TMEM232: variants seen among roughly 807,000 people sequenced by gnomAD.
The protein encoded by TMEM232 is transmembrane protein 232.
A neutral mutation model predicts 78.8 loss-of-function variants in TMEM232; 80 were observed. The observed-to-expected ratio is 1.01, with a 90% confidence interval of 0.85 to 1.22. The LOEUF (loss-of-function observed/expected upper bound fraction) is 1.22. Among genes scored for constraint, TMEM232 ranks in the 50% most tolerant of loss-of-function variants. TMEM232 has a pLI of 0.00. For missense variants in TMEM232, 881 were observed against 742.2 expected, an observed-to-expected ratio of 1.19 and a Z score of -2.17; for synonymous variants, 297 against 254.3, an observed-to-expected ratio of 1.17 and a Z score of -1.60.
At chr5:110,507,270 C>T (rs1365950566) in intron 12 of TMEM232, among the ~76,000 whole-genome samples, 1 of 152,128 alleles carries the variant, frequency 6.6e-6, no homozygotes, top group African/African-American at 2.4e-5. Context: ...ACAACCTCTC[C>T]TTGCTTCATA....
chr5:110,433,967 T>C (rs1458090355), intron 12 of TMEM232, among the ~76,000 whole-genome samples: 3 of 152,006 alleles, frequency 2.0e-5, no homozygotes, highest in African/African-American at 7.2e-5. Context: ...TTGCCAGATT[T>C]TGGTATCAGG....
intron 12 of TMEM232, among the ~76,000 whole-genome samples, chr5:110,524,110 A>T (rs571140446): frequency 1.3e-5 from 2 of 151,454 alleles, no homozygotes; most frequent in Non-Finnish European, 2.9e-5. Context: ...TGAAAATACA[A>T]AAATTAGCCA....
intron 1 of TMEM232, among the ~76,000 whole-genome samples, chr5:110,703,848 T>C (rs1350240999): frequency 6.6e-6 from 1 of 152,028 alleles, no homozygotes; most frequent in Non-Finnish European, 1.5e-5. Context: ...ACAAACAGAA[T>C]AATAAAAACC....
At chr5:110,682,751 A>C (rs1174044200) in intron 1 of TMEM232, among the ~76,000 whole-genome samples, 1 of 152,130 alleles carries the variant, frequency 6.6e-6, no homozygotes, top group Non-Finnish European at 1.5e-5. Context: ...GGCTGACAAG[A>C]ATATCCCAGT....
chr5:110,393,234 T>G (rs1016179046), intron 3 of TMEM232, among the ~76,000 whole-genome samples: 1 of 152,226 alleles, frequency 6.6e-6, no homozygotes, highest in Non-Finnish European at 1.5e-5. Flanking sequence ...GTCTACTTGT[T>G]CTATCAAATG....
intron 8 of TMEM232, among the ~76,000 whole-genome samples, chr5:110,609,972 C>T (rs921039564): frequency 6.6e-6 from 1 of 151,890 alleles, no homozygotes; most frequent in African/African-American, 2.4e-5. Context: ...GACATTTATG[C>T]ATCTTTAATA....
intron 5 of TMEM232, among the ~76,000 whole-genome samples, chr5:110,630,894 A>T (rs1467203894): frequency 6.6e-6 from 1 of 152,014 alleles, no homozygotes; most frequent in Non-Finnish European, 1.5e-5. Flanking sequence ...GTCTACCCAC[A>T]TATTTCCTGA....
chr5:110,720,338 G>A (rs1797466932), intron 1 of TMEM232, among the ~76,000 whole-genome samples: 1 of 152,092 alleles, frequency 6.6e-6, no homozygotes, highest in South Asian at 2.1e-4. Flanking sequence ...AGAAGACTGG[G>A]TGAAGTAAGG....
At chr5:110,595,489 G>A (rs1166181677) in intron 10 of TMEM232, among the ~76,000 whole-genome samples, 1 of 152,152 alleles carries the variant, frequency 6.6e-6, no homozygotes, top group Non-Finnish European at 1.5e-5. Flanking sequence ...AGCTAAAGGA[G>A]CATGTTCTAA....
chr5:110,490,192 A>AG (rs879275196), intron 12 of TMEM232, among the ~76,000 whole-genome samples: 6 of 150,616 alleles, frequency 4.0e-5, no homozygotes, highest in Non-Finnish European at 8.9e-5. Flanking sequence ...AAAGAAAGAA[A>AG]AAGTTAATTG....
intron 1 of TMEM232, among the ~76,000 whole-genome samples, chr5:110,698,694 C>T (rs1169614366): frequency 6.6e-6 from 1 of 151,988 alleles, no homozygotes; most frequent in Non-Finnish European, 1.5e-5. Flanking sequence ...TTACTTAGGA[C>T]CTCTAAGAGG....
At chr5:110,712,930 A>G (rs1796641460) in intron 1 of TMEM232, among the ~76,000 whole-genome samples, 1 of 152,208 alleles carries the variant, frequency 6.6e-6, no homozygotes, top group African/African-American at 2.4e-5. Flanking sequence ...AAGAAGGGAA[A>G]TTAGTATATC....
chr5:110,656,828 A>G (rs917547789), intron 2 of TMEM232, among the ~76,000 whole-genome samples: 1 of 150,718 alleles, frequency 6.6e-6, no homozygotes, highest in Non-Finnish European at 1.5e-5. Context: ...ACAGAGCAAG[A>G]CTCCATCTCT....
chr5:110,694,644 G>T (rs530850036), intron 1 of TMEM232, among the ~76,000 whole-genome samples: 33 of 151,998 alleles, frequency 2.2e-4, no homozygotes, highest in Non-Finnish European at 4.3e-4. Flanking sequence ...AAAAAGGCAG[G>T]GGTTGCAATC....
At chr5:110,710,947 T>C (rs1273511070) in intron 1 of TMEM232, among the ~76,000 whole-genome samples, 5 of 152,112 alleles carry the variant, frequency 3.3e-5, no homozygotes, top group Non-Finnish European at 5.9e-5. Context: ...ACAAAGGGCA[T>C]CCAAATTGGA....
chr5:110,529,210 A>C (rs533774078), intron 11 of TMEM232, among the ~76,000 whole-genome samples: 1 of 152,104 alleles, frequency 6.6e-6, no homozygotes, highest in African/African-American at 2.4e-5. Context: ...CTTTTTTTTA[A>C]TGCACAATCT....
chr5:110,455,138 T>C (rs1326281856), intron 12 of TMEM232, among the ~76,000 whole-genome samples: 1 of 152,138 alleles, frequency 6.6e-6, no homozygotes, highest in Non-Finnish European at 1.5e-5. Flanking sequence ...TGATATATGT[T>C]AAAGGAACTC....
intron 1 of TMEM232, among the ~76,000 whole-genome samples, chr5:110,703,134 G>A (rs539110332): frequency 1.8e-4 from 27 of 151,970 alleles, no homozygotes; most frequent in Admixed American, 1.7e-3. Flanking sequence ...AATAGCAGAT[G>A]AAACTACAAA....
In TMEM232 at chr5:110,641,013, T is replaced by A; in HGVS notation, c.238-17A>T. 6.9e-7 allele frequency: 1 copy of A among 1,450,286 alleles called. No individual in the cohort carries two copies. Among genetic ancestry groups the A allele is most frequent in the Non-Finnish European group, 9.2e-7 (1 of 1,087,050 alleles). The allele number at this position is 1,450,286 out of a possible 1,614,324, so 89.8% of individuals were successfully genotyped here. A position where few individuals can be genotyped will look rare whatever the true frequency, so the allele number is the denominator to read the frequency against. ...CAATTTTCTCTGTTATGAGGAAGCA[T>A]GAAAAAGACAAATCAAAATGTACAT... On this transcript the variant is annotated splice_polypyrimidine_tract_variant and intron_variant, in intron 3 of 13. Transcript: ENST00000455884.
Sources: gnomAD v4.1 joint callset for allele counts (sites outside exome capture counted in the v4.1 genomes callset) on GRCh38, gnomAD v4.1.1 for gene constraint, MANE v1.5 for transcripts, NCBI Gene and HGNC (gene_info 2026-07-23, HGNC 2026-07-21) for gene names.